GUCY2F: variants seen among roughly 807,000 people sequenced by gnomAD.
The protein encoded by GUCY2F is retinal guanylyl cyclase 2.
Under a neutral mutation model 73.1 loss-of-function variants are expected in GUCY2F, and 61 were observed. That is an observed-to-expected ratio of 0.83 (90% CI 0.68 to 1.03). The LOEUF is 1.03. Ranked by LOEUF, GUCY2F falls within the 50% of genes least tolerant of loss-of-function variation. GUCY2F has a pLI of 0.00. For synonymous variants in GUCY2F, 331 were observed against 307.8 expected (o/e 1.08, Z -0.79); for missense variants, 912 against 854.3 (o/e 1.07, Z -0.84).
chrX:109,456,351 A>AAC (rs751977498), intron 3 of GUCY2F, among the ~76,000 whole-genome samples: 104 of 110,848 alleles, frequency 9.4e-4, no homozygotes, highest in Non-Finnish European at 1.7e-3. Flanking sequence ...AATAAGTGAA[A>AAC]ACACACACAC....
chrX:109,391,880 A>G (rs746863041), intron 14 of GUCY2F, 31 bp downstream of exon 14: 21 of 988,899 alleles, frequency 2.1e-5, no homozygotes, highest in Non-Finnish European at 2.8e-5. Context: ...AAATTTCACT[A>G]TGGAATATAT....
Position 109,452,023 on chromosome X carries a change from C to T in GUCY2F, c.1472G>A (p.Arg491Lys), listed in dbSNP as rs144206136. 1 of 944,915 alleles carries T rather than the reference C, an allele frequency of 1.1e-6. No individual in the cohort carries two copies. The highest frequency in any genetic ancestry group is 1.5e-6 in the Non-Finnish European group (1 of 652,937). 77.9% of individuals were successfully genotyped at this position (944,915 alleles called of 1,213,427 possible). A position where few individuals can be genotyped will look rare whatever the true frequency, so the allele number is the denominator to read the frequency against. The part of the protein sequence containing the change: ...LSINGFAYFI[R>K]RRINKIQLIK... The stretch of plus-strand genomic sequence containing the variant: ...TATACAAAAATAACAAAAAATGTAC[C>T]TTATAAAGTAAGCAAATCCATTAAT... Residue 491 changes from arginine (R) to lysine (K), a missense_variant and splice_region_variant, in exon 5 of 20, where the codon AGG becomes AAG. By Grantham distance (26) the Arg-to-Lys change is conservative. Coordinates refer to ENST00000218006, the MANE Select transcript of GUCY2F (RefSeq NM_001522.3).
Position 109,449,369 on chromosome X carries a change from C to T in GUCY2F, c.1473-1204G>A, listed in dbSNP as rs187472058. On this transcript the variant is annotated intron_variant, in intron 5 of 19. Coordinates refer to ENST00000218006, the MANE Select transcript of GUCY2F (RefSeq NM_001522.3). ...TGCCCTGCAGAGAAAATTAAAAGAGCCCTGTAGTGGATTCTTGGGTAGAGC... is the reference window on the plus strand; with the variant it reads ...TGCCCTGCAGAGAAAATTAAAAGAGTCCTGTAGTGGATTCTTGGGTAGAGC... Among the ~76,000 whole-genome samples, 43 of 112,213 alleles carry T rather than the reference C, an allele frequency of 3.8e-4. No homozygotes were observed. The East Asian group carries it at 7.3e-3, about 19-fold the overall frequency.
intron 5 of GUCY2F, among the ~76,000 whole-genome samples, chrX:109,450,167 A>G (rs6643445): frequency 0.033 from 3,671 of 111,090 alleles, 131 homozygotes; most frequent in African/African-American, 0.1. Context: ...GACCATTTGA[A>G]GTACGAATTG....
intron 17 of GUCY2F, among the ~76,000 whole-genome samples, chrX:109,377,755 C>T (rs897836573): frequency 4.5e-5 from 5 of 111,710 alleles, no homozygotes; most frequent in African/African-American, 1.6e-4. Context: ...GCTAACAGAA[C>T]AGCATGCCAA....
intron 1 of GUCY2F, 121 bp downstream of exon 1, chrX:109,481,745 T>C (rs1233878933): frequency 9.0e-6 from 1 of 111,014 alleles, no homozygotes; most frequent in African/African-American, 3.3e-5. Context: ...AAATTTTTTT[T>C]TTTACTACAT....
At chrX:109,432,856 A>G (rs1396446829) in intron 7 of GUCY2F, among the ~76,000 whole-genome samples, 1 of 112,213 alleles carries the variant, frequency 8.9e-6, no homozygotes, top group Non-Finnish European at 1.9e-5. Flanking sequence ...TTCTCTGAGA[A>G]TATTAGGCAG....
intron 8 of GUCY2F, among the ~76,000 whole-genome samples, chrX:109,420,370 G>C (rs1931344732): frequency 9.5e-6 from 1 of 104,945 alleles, no homozygotes; most frequent in East Asian, 3.0e-4. Flanking sequence ...GAGAGAGAGA[G>C]AGAAAGACAA....
At chrX:109,438,014 C>T (rs1161615070) in intron 7 of GUCY2F, among the ~76,000 whole-genome samples, 1 of 112,715 alleles carries the variant, frequency 8.9e-6, no homozygotes, top group African/African-American at 3.2e-5. Flanking sequence ...TAATTTAAGT[C>T]AAAGCCCTCA....
At chrX:109,438,633 G>A (rs994036687) in intron 7 of GUCY2F, among the ~76,000 whole-genome samples, 1 of 113,095 alleles carries the variant, frequency 8.8e-6, no homozygotes, top group African/African-American at 3.2e-5. Flanking sequence ...TGGGGTGGGT[G>A]TTGGGCCCCC....
intron 8 of GUCY2F, among the ~76,000 whole-genome samples, chrX:109,427,873 G>A (rs1394872581): frequency 2.7e-5 from 3 of 111,932 alleles, no homozygotes; most frequent in Non-Finnish European, 5.6e-5. Flanking sequence ...ATATGGAAAA[G>A]TTAAAAAAGA....
intron 7 of GUCY2F, among the ~76,000 whole-genome samples, chrX:109,431,716 G>A (rs1182793063): frequency 1.0e-5 from 1 of 95,809 alleles, no homozygotes. Flanking sequence ...AAAAAAAAAA[G>A]AGTGTAACCA....
At chrX:109,426,031 A>G (rs910215853) in intron 8 of GUCY2F, among the ~76,000 whole-genome samples, 2 of 111,747 alleles carry the variant, frequency 1.8e-5, no homozygotes, top group African/African-American at 3.3e-5. Flanking sequence ...ACATTTAAAT[A>G]TAAGAAACCA....
At chrX:109,386,022 G>A (rs992956087) in intron 15 of GUCY2F, among the ~76,000 whole-genome samples, 1 of 110,626 alleles carries the variant, frequency 9.0e-6, no homozygotes, top group Non-Finnish European at 1.9e-5. Context: ...CGCTGGTATC[G>A]AACTCCTGAG....
chrX:109,375,211 T>C (rs891576680), intron 19 of GUCY2F, among the ~76,000 whole-genome samples: 1 of 107,747 alleles, frequency 9.3e-6, no homozygotes, highest in Admixed American at 9.9e-5. Flanking sequence ...AGAGAAGAGA[T>C]ACTGAAAAGA....
intron 2 of GUCY2F, 27 bp from the exon 3 acceptor site, chrX:109,465,470 T>C (rs1439021478): frequency 4.5e-6 from 5 of 1,102,891 alleles, no homozygotes; most frequent in African/African-American, 1.8e-5. Context: ...AAGGAGGTTA[T>C]GGAAGCAAAC....
At chrX:109,374,320 G>A (rs1930126553) in intron 19 of GUCY2F, among the ~76,000 whole-genome samples, 1 of 111,515 alleles carries the variant, frequency 9.0e-6, no homozygotes, top group Non-Finnish European at 1.9e-5. Context: ...CAGGACCAGG[G>A]ATGGATTTCC....
rs144837145 is a variant in GUCY2F, at chrX:109,454,577, A to G, written c.1033-718T>C. ...CTTCAACAAGAAGCCACTTTAAAAC[A>G]GTAAGACTGCTAAGGTGGATAGCAT... On this transcript the variant is annotated intron_variant, in intron 3 of 19. Transcript: ENST00000218006. Among the ~76,000 whole-genome samples the G allele has an allele frequency of 9.4e-3, 1,054 of 112,354 alleles. 12 individuals carry two copies. The highest frequency in any genetic ancestry group is 0.031 in the African/African-American group (970 of 30,952).
chrX:109,378,807 T>C (rs1930235226), intron 17 of GUCY2F, among the ~76,000 whole-genome samples: 2 of 112,135 alleles, frequency 1.8e-5, no homozygotes, highest in South Asian at 3.7e-4. Context: ...ACAGCCATTA[T>C]GGAAAACAGC....
Sources: allele counts gnomAD v4.1 joint callset (sites outside exome capture counted in the v4.1 genomes callset), GRCh38; gene constraint gnomAD v4.1.1; transcripts MANE v1.5; gene names NCBI Gene and HGNC (gene_info 2026-07-23, HGNC 2026-07-21).